WDR11: variants seen among roughly 807,000 people sequenced by gnomAD.
The protein encoded by WDR11 is WD repeat domain 11.
A neutral mutation model predicts 151.2 loss-of-function variants in WDR11; 83 were observed. The observed-to-expected ratio is 0.55, with a 90% CI of 0.46 to 0.66. The LOEUF (loss-of-function observed/expected upper bound fraction) is 0.66, where lower values mean the gene tolerates loss of function less well. Among genes scored for constraint, WDR11 ranks in the 30% least tolerant of loss-of-function variants. The probability of loss-of-function intolerance (pLI) is 0.00; values close to 1 mark genes in which losing one functional copy is unlikely to be tolerated. For synonymous variants in WDR11, 484 were observed against 533.1 expected (o/e 0.91, Z 1.27); for missense variants, 1,301 against 1,480.9 (o/e 0.88, Z 1.99).
intron 17 of WDR11, 105 bp downstream of exon 17, chr10:120,889,289 G>A (rs1847336557): frequency 4.8e-6 from 4 of 836,428 alleles, no homozygotes; most frequent in Admixed American, 3.9e-5. Context: ...CCAGGCTGGA[G>A]TGCAGTGGTG....
chr10:120,866,457 C>T (rs952728601), intron 7 of WDR11, 112 bp from the exon 8 acceptor site: 1 of 1,176,976 alleles, frequency 8.5e-7, no homozygotes, highest in African/African-American at 1.5e-5. Context: ...CTTGACATTG[C>T]ATTCATGAAG....
At chr10:120,890,912 C>T (rs369430207) in intron 19 of WDR11, 25 bp downstream of exon 19, 43 of 1,612,756 alleles carry the variant, frequency 2.7e-5, no homozygotes, top group Non-Finnish European at 3.6e-5. Flanking sequence ...TGATAGGGGG[C>T]TTTGAAACCT....
At position 120,864,973 on chromosome 10, in the gene WDR11, G is replaced by T. The variant is rs544985121; in HGVS notation, c.714-74G>T. 25 of 1,533,638 alleles carry T rather than the reference G, an allele frequency of 1.6e-5. No homozygotes were observed. The African/African-American group carries it at 3.1e-4, about 19-fold the overall frequency. On this transcript the variant is annotated intron_variant, in intron 5 of 28. Transcript: ENST00000263461. ...TTTATTGTCAATTTTTATGTGTAAA[G>T]TACAAAATTAAATCTTTTATTAGGT...
In WDR11 at chr10:120,880,904, A is replaced by T; in HGVS notation, c.1739+3A>T. 1 of 1,589,722 alleles carries T rather than the reference A, an allele frequency of 6.3e-7. No homozygotes were observed. Among genetic ancestry groups the T allele is most frequent in the Non-Finnish European group, 8.6e-7 (1 of 1,164,414 alleles). ...ATGATTAAAGTATCTCATTTGAAGTAAGTGTCAACCTAAAAAAAAATCTAT... is the reference window on the plus strand; with the variant it reads ...ATGATTAAAGTATCTCATTTGAAGTTAGTGTCAACCTAAAAAAAAATCTAT... On this transcript the variant is annotated splice_donor_region_variant and intron_variant, in intron 13 of 28. Transcript: ENST00000263461.
chr10:120,909,146 G>GAGAT lies in WDR11; in HGVS notation c.*435_*438dup, dbSNP rs1848191539. 3 of 177,454 alleles carry GAGAT rather than the reference G, an allele frequency of 1.7e-5. No homozygotes were observed. Among genetic ancestry groups the GAGAT allele is most frequent in the Non-Finnish European group, 3.7e-5 (3 of 81,926 alleles). The allele number at this position is 177,454 out of a possible 1,614,324, so 11.0% of individuals were successfully genotyped here. Reference sequence around the variant, plus strand: ...TGTACTTATATACAGTCTTTCAAGAGAGATACAAACAAGGCAGAAACATTT... The same window carrying GAGAT: ...TGTACTTATATACAGTCTTTCAAGAGAGATAGATACAAACAAGGCAGAAACATTT... On this transcript the variant is annotated 3_prime_UTR_variant, in exon 29 of 29. Coordinates refer to ENST00000263461, the MANE Select transcript of WDR11 (RefSeq NM_018117.12).
At chr10:120,857,267 A>G (rs1327751359) in intron 2 of WDR11, among the ~76,000 whole-genome samples, 1 of 152,182 alleles carries the variant, frequency 6.6e-6, no homozygotes, top group Non-Finnish European at 1.5e-5. Context: ...AAGCTAAAGC[A>G]AGAATTCTTG....
At chr10:120,877,455 A>C (rs1234856275) in intron 11 of WDR11, among the ~76,000 whole-genome samples, 1 of 152,102 alleles carries the variant, frequency 6.6e-6, no homozygotes, top group African/African-American at 2.4e-5. Context: ...AGAAAATTTC[A>C]CAGAAATACA....
chr10:120,878,022 T>C (rs1160344628), intron 11 of WDR11, among the ~76,000 whole-genome samples: 2 of 152,226 alleles, frequency 1.3e-5, no homozygotes, highest in Admixed American at 1.3e-4. Context: ...CATTAGTTTG[T>C]GTCTTTGTCT....
intron 1 of WDR11, chr10:120,852,144 T>C (rs1303870420): frequency 3.7e-6 from 1 of 266,750 alleles, no homozygotes; most frequent in South Asian, 4.4e-5. Context: ...TTTGTCGTTT[T>C]ATTTAGTTGG....
At position 120,865,742 on chromosome 10, in the gene WDR11, C is replaced by T. The variant is rs1465056686; in HGVS notation, c.992C>T (p.Pro331Leu). Residue 331 changes from proline (P) to leucine (L), a missense_variant and splice_region_variant, in exon 7 of 29, where the codon CCA (proline) becomes CTA (leucine). This residue lies in a region of WDR11 where 692 missense variants were observed against 762.5 expected (regional missense o/e 0.91). Coordinates refer to ENST00000263461, the MANE Select transcript of WDR11 (RefSeq NM_018117.12). ...ATTTTTACCACTTCAAATGAGGAACCAGGTGAGTTTCTGTCTCACAATAAT... is the reference window on the plus strand; with the variant it reads ...ATTTTTACCACTTCAAATGAGGAACTAGGTGAGTTTCTGTCTCACAATAAT... ...NNIFTTSNEE[P>L]DPDPVQELTY... 6 of 1,584,260 alleles carry T rather than the reference C, an allele frequency of 3.8e-6. No individual in the cohort carries two copies. The highest frequency in any genetic ancestry group is 4.3e-6 in the Non-Finnish European group (5 of 1,155,340).
intron 18 of WDR11, 83 bp downstream of exon 18, chr10:120,890,092 T>C (rs1847376003): frequency 2.0e-6 from 2 of 978,794 alleles, no homozygotes; most frequent in Non-Finnish European, 3.2e-6. Context: ...CTTTCTGATT[T>C]AGAAATGAAA....
intron 1 of WDR11, 94 bp from the exon 2 acceptor site, chr10:120,852,430 A>C: frequency 1.0e-6 from 1 of 977,028 alleles, no homozygotes; most frequent in Non-Finnish European, 1.6e-6. Flanking sequence ...ATGGTGGTAC[A>C]TATGAATTAG....
At chr10:120,890,097 A>G (rs1201560701) in intron 18 of WDR11, 88 bp downstream of exon 18, 1 of 901,478 alleles carries the variant, frequency 1.1e-6, no homozygotes, top group Non-Finnish European at 1.8e-6. Flanking sequence ...TGATTTAGAA[A>G]TGAAAAGTAC....
At position 120,906,820 on chromosome 10, in the gene WDR11, T is replaced by A. The variant is rs1173727458; in HGVS notation, c.3482T>A (p.Leu1161His). 1 of 1,614,198 alleles carries A rather than the reference T, an allele frequency of 6.2e-7. No homozygotes were observed. Among genetic ancestry groups the A allele is most frequent in the Non-Finnish European group, 8.5e-7 (1 of 1,180,020 alleles). The change falls in exon 28 of 29, where the codon CTC becomes CAC. Residue 1161 changes from leucine (L) to histidine (H), a missense_variant. Physicochemically the swap from Leu to His is moderately conservative, Grantham distance 99. Around this residue, in one of 3 missense-constraint regions of WDR11, gnomAD observed 589 missense variants for 670.6 expected, o/e 0.88. Coordinates refer to ENST00000263461, the MANE Select transcript of WDR11 (RefSeq NM_018117.12). ...DRAALFVEAC[L>H]KYGAFEVTED... is the part of the protein sequence containing the mutation. ...GCAGCCTTATTTGTGGAAGCTTGCC[T>A]CAAGTATGGAGCATTTGAAGTCACT...
At chr10:120,902,404 C>CT in intron 22 of WDR11, 82 bp downstream of exon 22, 1 of 1,260,750 alleles carries the variant, frequency 7.9e-7, no homozygotes, top group Non-Finnish European at 1.1e-6. Flanking sequence ...GTTAGAAACA[C>CT]TTAGATTTTA....
chr10:120,867,980 G>A (rs539363346), intron 9 of WDR11, among the ~76,000 whole-genome samples: 208 of 152,262 alleles, frequency 1.4e-3, no homozygotes, highest in Middle Eastern at 6.8e-3. Context: ...TATGCTACTT[G>A]AAATTATAAG....
At chr10:120,906,180 C>T (rs1350499495) in intron 27 of WDR11, 159 bp downstream of exon 27, 15 of 1,520,292 alleles carry the variant, frequency 9.9e-6, no homozygotes, top group South Asian at 3.7e-5. Flanking sequence ...TGGAACTGTC[C>T]GTATTCATTA....
intron 19 of WDR11, among the ~76,000 whole-genome samples, chr10:120,894,199 G>GT (rs1317475534): frequency 1.3e-5 from 2 of 152,112 alleles, no homozygotes; most frequent in African/African-American, 4.8e-5. Context: ...TGTATAAGGT[G>GT]TAAGGAAGGG....
intron 4 of WDR11, among the ~76,000 whole-genome samples, chr10:120,861,871 A>G (rs1164171322): frequency 6.6e-6 from 1 of 152,096 alleles, no homozygotes; most frequent in Non-Finnish European, 1.5e-5. Context: ...TGTTTCATGT[A>G]CACTTAGTAA....
Sources: gnomAD v4.1 joint callset for allele counts (sites outside exome capture counted in the v4.1 genomes callset) on GRCh38, gnomAD v4.1.1 for gene constraint, gnomAD v4.1.1 regional missense constraint, MANE v1.5 for transcripts, NCBI Gene and HGNC (gene_info 2026-07-23, HGNC 2026-07-21) for gene names.